The following TMEM163 variants were observed in gnomAD, a reference collection of about 807,000 sequenced individuals.
TMEM163 encodes the protein transmembrane protein 163.
In TMEM163, 17 loss-of-function variants were observed where a neutral mutation model predicts 29.3. The observed-to-expected ratio is 0.58, with a 90% CI of 0.40 to 0.87. The LOEUF (loss-of-function observed/expected upper bound fraction) is 0.87, where lower values mean the gene tolerates loss of function less well. Among genes scored for constraint, TMEM163 ranks in the 40% least tolerant of loss-of-function variants. The probability of loss-of-function intolerance (pLI) is 0.00; values close to 1 mark genes in which losing one functional copy is unlikely to be tolerated. For synonymous variants in TMEM163, 157 were observed against 160.6 expected (o/e 0.98, Z 0.17); for missense variants, 303 against 381.5 (o/e 0.79, Z 1.71).
intron 1 of TMEM163, among the ~76,000 whole-genome samples, chr2:134,715,808 G>T (rs189079894): frequency 1.1e-3 from 162 of 152,324 alleles, no homozygotes; most frequent in African/African-American, 3.4e-3. Flanking sequence ...GAGAAGCTAC[G>T]ACAGGCCTCG....
At chr2:134,697,499 T>C (rs1684608543) in intron 2 of TMEM163, among the ~76,000 whole-genome samples, 1 of 150,926 alleles carries the variant, frequency 6.6e-6, no homozygotes, top group African/African-American at 2.4e-5. Flanking sequence ...AGTTTCACTC[T>C]TGTCACCCAG....
At chr2:134,549,986 A>G (rs759137369) in intron 4 of TMEM163, among the ~76,000 whole-genome samples, 7 of 152,156 alleles carry the variant, frequency 4.6e-5, no homozygotes, top group Non-Finnish European at 8.8e-5. Flanking sequence ...CAGAGATACA[A>G]ATCTGATTAC....
In TMEM163 at chr2:134,494,165, T is replaced by C. The variant is rs113779829; in HGVS notation, c.555+8736A>G. 1.3e-4 allele frequency among the ~76,000 whole-genome samples: 20 copies of C among 152,278 alleles called. 1 individual carries two copies. The highest frequency in any genetic ancestry group is 5.2e-4 in the Admixed American group (8 of 15,304). On this transcript the variant is annotated intron_variant, in intron 5 of 7. Transcript: ENST00000281924. ...CACTTTCATCAGTGCCCAGTTCTAT[T>C]CTGTTTAGAAGTTGGTAGGTTCTTG... is the stretch of plus-strand genomic sequence containing the variant.
intron 2 of TMEM163, among the ~76,000 whole-genome samples, chr2:134,602,814 T>C (rs1055651439): frequency 6.6e-6 from 1 of 151,738 alleles, no homozygotes; most frequent in East Asian, 1.9e-4. Context: ...TGAGAGGGAG[T>C]GTCCCACCGC....
chr2:134,503,524 T>G (rs866247310), intron 4 of TMEM163, among the ~76,000 whole-genome samples: 9 of 152,232 alleles, frequency 5.9e-5, no homozygotes, highest in Admixed American at 1.3e-4. Context: ...GGGAAGCCAT[T>G]ACTGTTAGCT....
intron 4 of TMEM163, among the ~76,000 whole-genome samples, chr2:134,527,190 T>G (rs1680314329): frequency 6.6e-6 from 1 of 152,220 alleles, no homozygotes; most frequent in Non-Finnish European, 1.5e-5. Flanking sequence ...ATATCATGTC[T>G]CTTCCATCTC....
chr2:134,675,222 C>A (rs946062488), intron 2 of TMEM163, among the ~76,000 whole-genome samples: 2 of 152,112 alleles, frequency 1.3e-5, no homozygotes, highest in Non-Finnish European at 2.9e-5. Flanking sequence ...TCATTTTGAT[C>A]ATTACAGAAG....
intron 2 of TMEM163, among the ~76,000 whole-genome samples, chr2:134,671,323 C>T (rs999507916): frequency 6.6e-6 from 1 of 152,102 alleles, no homozygotes; most frequent in Non-Finnish European, 1.5e-5. Flanking sequence ...AGCAAGGAGA[C>T]CCACCCCTCC....
chr2:134,689,197 C>T (rs536118632), intron 2 of TMEM163, among the ~76,000 whole-genome samples: 51 of 151,340 alleles, frequency 3.4e-4, no homozygotes, highest in African/African-American at 1.2e-3. Flanking sequence ...CAACCTCTGC[C>T]TTCCAGATTC....
intron 2 of TMEM163, among the ~76,000 whole-genome samples, chr2:134,696,173 C>T (rs1475164575): frequency 6.6e-6 from 1 of 151,950 alleles, no homozygotes; most frequent in Non-Finnish European, 1.5e-5. Context: ...TATAGACAGC[C>T]AATTGTGGTG....
At chr2:134,702,569 T>A (rs1245758873) in intron 2 of TMEM163, among the ~76,000 whole-genome samples, 1 of 152,044 alleles carries the variant, frequency 6.6e-6, no homozygotes, top group Non-Finnish European at 1.5e-5. Flanking sequence ...TACCTAAGCC[T>A]GGAAGGTCAA....
chr2:134,621,788 G>A (rs1239222697), intron 2 of TMEM163, among the ~76,000 whole-genome samples: 1 of 152,142 alleles, frequency 6.6e-6, no homozygotes, highest in Non-Finnish European at 1.5e-5. Flanking sequence ...CTACTCGGGA[G>A]GCTGAGGCAG....
intron 4 of TMEM163, among the ~76,000 whole-genome samples, chr2:134,545,737 T>A (rs1177825098): frequency 6.6e-6 from 1 of 152,176 alleles, no homozygotes; most frequent in Non-Finnish European, 1.5e-5. Context: ...CCTCAGCCAC[T>A]CACTCTACCC....
chr2:134,466,496 G>A, intron 5 of TMEM163: 2 of 380,376 alleles, frequency 5.3e-6, no homozygotes, highest in South Asian at 2.7e-5. Context: ...CCACTATTCT[G>A]CTAAAATGAG....
At chr2:134,617,335 G>A (rs912770895) in intron 2 of TMEM163, among the ~76,000 whole-genome samples, 1 of 152,280 alleles carries the variant, frequency 6.6e-6, no homozygotes, top group South Asian at 2.1e-4. Flanking sequence ...AATTGGCCAG[G>A]TGCACTGGTT....
At chr2:134,572,435 A>G (rs1213001696) in intron 2 of TMEM163, among the ~76,000 whole-genome samples, 1 of 152,218 alleles carries the variant, frequency 6.6e-6, no homozygotes, top group Non-Finnish European at 1.5e-5. Flanking sequence ...CCTCTTAGAC[A>G]AAGATACCTC....
intron 2 of TMEM163, among the ~76,000 whole-genome samples, chr2:134,648,968 G>A (rs144807524): frequency 6.6e-5 from 10 of 152,230 alleles, no homozygotes; most frequent in East Asian, 3.9e-4. Flanking sequence ...CTAAGAAATC[G>A]TTATATATCC....
intron 2 of TMEM163, among the ~76,000 whole-genome samples, chr2:134,688,692 G>C (rs865981448): frequency 6.6e-6 from 1 of 152,146 alleles, no homozygotes; most frequent in Non-Finnish European, 1.5e-5. Flanking sequence ...AGCAGCAATG[G>C]AAGAAATGAC....
At chr2:134,718,145 C>A (rs1381609110) in intron 1 of TMEM163, among the ~76,000 whole-genome samples, 1 of 152,224 alleles carries the variant, frequency 6.6e-6, no homozygotes, top group Non-Finnish European at 1.5e-5. Flanking sequence ...GGCAGGGACC[C>A]ACTGTGACCC....
Sources: allele counts gnomAD v4.1 joint callset (sites outside exome capture counted in the v4.1 genomes callset), GRCh38; gene constraint gnomAD v4.1.1; transcripts MANE v1.5; gene names NCBI Gene and HGNC (gene_info 2026-07-23, HGNC 2026-07-21).